FAM168B: variants seen among roughly 807,000 people sequenced by gnomAD.
The protein encoded by FAM168B is family with sequence similarity 168 member B.
A neutral mutation model predicts 21.8 loss-of-function variants in FAM168B; 19 were observed. The observed-to-expected ratio is 0.87, with a 90% CI of 0.61 to 1.28. The LOEUF (loss-of-function observed/expected upper bound fraction) is 1.28, where lower values mean the gene tolerates loss of function less well. FAM168B is among the 50% of genes most tolerant of loss of function. The probability of loss-of-function intolerance (pLI) is 0.00; values close to 1 mark genes in which losing one functional copy is unlikely to be tolerated. For missense variants in FAM168B, 233 were observed against 263.1 expected, an observed-to-expected ratio of 0.89 and a Z score of 0.79; for synonymous variants, 126 against 104.8, an observed-to-expected ratio of 1.20 and a Z score of -1.24.
intron 1 of FAM168B, among the ~76,000 whole-genome samples, chr2:131,085,453 C>A (rs943004945): frequency 2.0e-5 from 3 of 152,186 alleles, no homozygotes; most frequent in Non-Finnish European, 4.4e-5. Flanking sequence ...ATAGCTGCAA[C>A]TACCTACCGA....
Position 131,048,264 on chromosome 2 carries a change from G to A in FAM168B, c.*4201C>T, listed in dbSNP as rs1404255148. ...TCCGTGTGGCCAGCACAGCAACCCT[G>A]CTAGGAGCACAAACGGCTGGCCTGA... On this transcript the variant is annotated 3_prime_UTR_variant, in exon 7 of 7. Coordinates refer to ENST00000389915, the MANE Select transcript of FAM168B (RefSeq NM_001009993.4). The A allele has an allele frequency of 3.1e-6, 4 of 1,304,256 alleles. No homozygotes were observed. The highest frequency in any genetic ancestry group is 2.3e-5 in the Admixed American group (1 of 43,568). 80.8% of individuals were successfully genotyped at this position (1,304,256 alleles called of 1,614,324 possible). A position where few individuals can be genotyped will look rare whatever the true frequency, so the allele number is the denominator to read the frequency against.
intron 1 of FAM168B, among the ~76,000 whole-genome samples, chr2:131,087,256 G>A (rs542154986): frequency 6.6e-5 from 10 of 152,088 alleles, no homozygotes; most frequent in Non-Finnish European, 1.5e-4. Flanking sequence ...ATCACTTGAG[G>A]TCAGGAGTTG....
intron 2 of FAM168B, among the ~76,000 whole-genome samples, chr2:131,077,186 TG>T (rs1693197937): frequency 7.2e-6 from 1 of 138,340 alleles, no homozygotes; most frequent in Admixed American, 7.7e-5. Context: ...GCCCACAAGA[TG>T]GAGTGTATGT....
intron 1 of FAM168B, among the ~76,000 whole-genome samples, chr2:131,089,231 G>A (rs1573829192): frequency 6.6e-6 from 1 of 151,920 alleles, no homozygotes; most frequent in African/African-American, 2.4e-5. Flanking sequence ...CTCCCAAAGT[G>A]CTGGGATTAC....
At chr2:131,088,254 A>C in intron 1 of FAM168B, among the ~76,000 whole-genome samples, 1 of 152,108 alleles carries the variant, frequency 6.6e-6, no homozygotes, top group African/African-American at 2.4e-5. Context: ...TGGGGGGAAA[A>C]AAAAATCAAA....
chr2:131,074,826 T>A (rs528559081), intron 2 of FAM168B, among the ~76,000 whole-genome samples: 26 of 152,296 alleles, frequency 1.7e-4, no homozygotes, highest in African/African-American at 6.3e-4. Flanking sequence ...CCCCTCAGCC[T>A]GGATCCCTTG....
At position 131,071,874 on chromosome 2, in the gene FAM168B, C is replaced by T. The variant is rs758475685; in HGVS notation, c.135G>A (p.Ala45=). ...PAYSPNMYPG[A]NPTFQTGYTP... ...ACATACCTGTTTGGAAGGTAGGATT[C>T]GCTCCAGGATACATGTTAGGAGAAT... Residue 45 remains alanine (A), a synonymous_variant, in exon 3 of 7, where the codon GCG becomes GCA. Coordinates refer to ENST00000389915, the MANE Select transcript of FAM168B (RefSeq NM_001009993.4). 4.3e-6 allele frequency: 7 copies of T among 1,613,756 alleles called. No homozygotes were observed. Among genetic ancestry groups the T allele is most frequent in the Admixed American group, 1.7e-5 (1 of 59,996 alleles).
intron 2 of FAM168B, among the ~76,000 whole-genome samples, chr2:131,076,709 C>CA (rs967497907): frequency 1.3e-5 from 2 of 149,244 alleles, no homozygotes; most frequent in African/African-American, 4.9e-5. Context: ...TTCAGAACAG[C>CA]AAAAAATACC....
intron 6 of FAM168B, 35 bp downstream of exon 6, chr2:131,052,856 A>T: frequency 1.3e-6 from 2 of 1,545,242 alleles, no homozygotes; most frequent in Non-Finnish European, 1.7e-6. Flanking sequence ...ATGCCCTTTC[A>T]TCAAAGGCTA....
At chr2:131,072,226 C>T (rs1299133567) in intron 2 of FAM168B, among the ~76,000 whole-genome samples, 1 of 152,092 alleles carries the variant, frequency 6.6e-6, no homozygotes, top group Non-Finnish European at 1.5e-5. Context: ...CAGGTTCAAG[C>T]GATTCTCCTG....
Position 131,048,838 on chromosome 2 carries a change from A to C in FAM168B, c.*3627T>G. The C allele has an allele frequency of 7.1e-6, 7 of 986,288 alleles. No individual in the cohort carries two copies. The highest frequency in any genetic ancestry group is 8.4e-6 in the Non-Finnish European group (7 of 830,260). 61.1% of individuals were successfully genotyped at this position (986,288 alleles called of 1,614,324 possible). On this transcript the variant is annotated 3_prime_UTR_variant, in exon 7 of 7. Transcript: ENST00000389915. ...CAGACGCTGCCACCCACCTCAAGCC[A>C]CACCCCTGCCACCTGCTGCTGCGCC...
rs1302295402 is a variant in FAM168B, at chr2:131,050,668, AAG to A, written c.*1795_*1796del. On this transcript the variant is annotated 3_prime_UTR_variant, in exon 7 of 7. Coordinates refer to ENST00000389915, the MANE Select transcript of FAM168B (RefSeq NM_001009993.4). ...AATAAGATGTGAAAAAGAAAATTAT[AAG>A]AAGTACTTACTATAAAAAATAAGGT... is the stretch of plus-strand genomic sequence containing the variant. 4 of 984,888 alleles carry A rather than the reference AAG, an allele frequency of 4.1e-6. No homozygotes were observed. The African/African-American group carries it at 7.0e-5, about 17-fold the overall frequency. 61.0% of individuals were successfully genotyped at this position (984,888 alleles called of 1,614,324 possible). A position where few individuals can be genotyped will look rare whatever the true frequency, so the allele number is the denominator to read the frequency against.
In FAM168B at chr2:131,052,037, T is replaced by G. The variant is rs1691711341; in HGVS notation, c.*428A>C. 1.0e-6 allele frequency: 1 copy of G among 985,752 alleles called. No individual in the cohort carries two copies. The allele number at this position is 985,752 out of a possible 1,614,324, so 61.1% of individuals were successfully genotyped here. A position where few individuals can be genotyped will look rare whatever the true frequency, so the allele number is the denominator to read the frequency against. ...TTTAACACTTATAACTGTAAGACTT[T>G]GCATACATTACAACAGTGCATTAGT... On this transcript the variant is annotated 3_prime_UTR_variant, in exon 7 of 7. Coordinates refer to ENST00000389915, the MANE Select transcript of FAM168B (RefSeq NM_001009993.4).
chr2:131,069,511 G>T lies in FAM168B; in HGVS notation c.154+2344C>A, dbSNP rs550669302. Among the ~76,000 whole-genome samples, 62 of 145,748 alleles carry T rather than the reference G, an allele frequency of 4.3e-4. 4 individuals are homozygous for T. In the South Asian group the frequency reaches 0.011, roughly 25 times the overall value. On this transcript the variant is annotated intron_variant, in intron 3 of 6. Transcript: ENST00000389915. ...TTCTTTCTCTTTTGTTTTTTTTTTT[G>T]GGGACGGAGTCCTGCTCTGTCGCTC...
chr2:131,061,058 A>G lies in FAM168B; in HGVS notation c.155-5363T>C, dbSNP rs559203477. Among the ~76,000 whole-genome samples the G allele has an allele frequency of 1.6e-3, 243 of 150,396 alleles. 3 individuals carry two copies. The highest frequency in any genetic ancestry group is 2.8e-3 in the Non-Finnish European group (188 of 67,494). ...GGTAGAGACGGGGTTTCACCGTGTT[A>G]GCCAGGATGGTCTTGATCTCCTGAC... On this transcript the variant is annotated intron_variant, in intron 3 of 6. Transcript: ENST00000389915.
At chr2:131,065,618 C>T (rs531868014) in intron 3 of FAM168B, among the ~76,000 whole-genome samples, 103 of 151,838 alleles carry the variant, frequency 6.8e-4, no homozygotes, top group African/African-American at 2.3e-3. Context: ...GGAGAAACCC[C>T]GTCTCTACTA....
chr2:131,090,513 A>G (rs552429415), intron 1 of FAM168B, among the ~76,000 whole-genome samples: 1 of 152,226 alleles, frequency 6.6e-6, no homozygotes, highest in Admixed American at 6.5e-5. Flanking sequence ...AAACACCAAT[A>G]TACAAGATAC....
chr2:131,061,041 C>T (rs1389520654), intron 3 of FAM168B, among the ~76,000 whole-genome samples: 3 of 150,616 alleles, frequency 2.0e-5, no homozygotes, highest in African/African-American at 7.3e-5. Flanking sequence ...TTGGTAGAGA[C>T]GGGGTTTCAC....
chr2:131,059,281 G>T (rs184766298), intron 3 of FAM168B, among the ~76,000 whole-genome samples: 1 of 152,116 alleles, frequency 6.6e-6, no homozygotes, highest in South Asian at 2.1e-4. Flanking sequence ...AAGCAATGAG[G>T]AGTCAGCTCA....
Sources: gnomAD v4.1 joint callset for allele counts (sites outside exome capture counted in the v4.1 genomes callset) on GRCh38, gnomAD v4.1.1 for gene constraint, MANE v1.5 for transcripts, NCBI Gene and HGNC (gene_info 2026-07-23, HGNC 2026-07-21) for gene names.